Variants in TRHR observed in about 807,000 individuals in gnomAD.
TRHR encodes the protein thyrotropin releasing hormone receptor.
In TRHR, 14 loss-of-function variants were observed where a neutral mutation model predicts 28.0. The ratio of observed to expected loss-of-function variants is 0.50; its 90% CI spans 0.33 to 0.78. The LOEUF (loss-of-function observed/expected upper bound fraction) is 0.78, where lower values mean the gene tolerates loss of function less well. Ranked by LOEUF, TRHR falls within the 30% of genes least tolerant of loss-of-function variation. The pLI, the probability that TRHR is intolerant of heterozygous loss-of-function variation, is 0.02. For synonymous variants in TRHR, 176 were observed against 171.9 expected (o/e 1.02, Z -0.18); for missense variants, 438 against 469.5 (o/e 0.93, Z 0.62).
rs757939985 is a variant in TRHR at position 109,087,537 on chromosome 8, C to T, written c.25C>T (p.Leu9=). Residue 9 remains leucine (L), a synonymous_variant, in exon 2 of 3, where the codon CTG becomes TTG. Transcript: ENST00000518632. MENETVSE[L]NQTQLQPRAV... The stretch of plus-strand genomic sequence containing the variant: ...GATGGAAAACGAGACAGTCAGTGAA[C>T]TGAACCAAACACAGCTTCAGCCACG... 1.1e-5 allele frequency: 17 copies of T among 1,614,216 alleles called. No individual in the cohort carries two copies. In the South Asian group the frequency reaches 1.9e-4, roughly 18 times the overall value.
chr8:109,119,530 C>A lies in TRHR; in HGVS notation c.*75C>A, dbSNP rs891177450. On this transcript the variant is annotated 3_prime_UTR_variant, in exon 3 of 3. Coordinates refer to ENST00000518632, the MANE Select transcript of TRHR (RefSeq NM_003301.7). ...GTCATCAACAAAAGGGAGAACATGG[C>A]CAATAGTCATATGTGAAGACAGAGC... 1 of 1,535,348 alleles carries A rather than the reference C, an allele frequency of 6.5e-7. No individual in the cohort carries two copies. The highest frequency in any genetic ancestry group is 2.3e-5 in the East Asian group (1 of 44,066).
At position 109,110,714 on chromosome 8, in the gene TRHR, T is replaced by C. The variant is rs185436143; in HGVS notation, c.790-8334T>C. ...TCCACGGTCTTCCCACCATGAATCA[T>C]CACTCAGCCTTTATTCACTTTTATT... On this transcript the variant is annotated intron_variant, in intron 2 of 2. Transcript: ENST00000518632. 9.0e-4 allele frequency among the ~76,000 whole-genome samples: 137 copies of C among 152,306 alleles called. 3 individuals are homozygous for C. Among genetic ancestry groups the C allele is most frequent in the Admixed American group, 7.2e-3 (110 of 15,304 alleles).
chr8:109,088,990 T>C (rs1811484755), intron 2 of TRHR, among the ~76,000 whole-genome samples: 1 of 152,184 alleles, frequency 6.6e-6, no homozygotes, highest in Non-Finnish European at 1.5e-5. Context: ...AATCGGTTTT[T>C]TCCTGCTAAG....
rs760386432 is a variant in TRHR at position 109,117,132 on chromosome 8, G to A, written c.790-1916G>A. On this transcript the variant is annotated intron_variant, in intron 2 of 2. Coordinates refer to ENST00000518632, the MANE Select transcript of TRHR (RefSeq NM_003301.7). ...CTGAAATTTAGCAGCAGTAAGTGTT[G>A]TTGGGTTTATAATTGAAGAATTTAA... Among the ~76,000 whole-genome samples the A allele has an allele frequency of 5.8e-4, 88 of 151,980 alleles. 1 individual carries two copies. The highest frequency in any genetic ancestry group is 2.0e-4 in the Admixed American group (3 of 15,232).
chr8:109,119,907 G>T lies in TRHR; in HGVS notation c.*452G>T, dbSNP rs1277146330. Among the ~76,000 whole-genome samples, 2 of 151,542 alleles carry T rather than the reference G, an allele frequency of 1.3e-5. No homozygotes were observed. The highest frequency in any genetic ancestry group is 2.4e-5 in the African/African-American group (1 of 41,252). On this transcript the variant is annotated 3_prime_UTR_variant, in exon 3 of 3. Coordinates refer to ENST00000518632, the MANE Select transcript of TRHR (RefSeq NM_003301.7). ...TAGTATTCATTTTAACATAGTACAG[G>T]GCTAGTTCATGAATATCTGAAATTA... is the stretch of plus-strand genomic sequence containing the variant.
intron 2 of TRHR, among the ~76,000 whole-genome samples, chr8:109,116,510 T>G (rs973339016): frequency 6.6e-6 from 1 of 152,118 alleles, no homozygotes. Flanking sequence ...AGGATTCAAC[T>G]TCTTCCTGGT....
At chr8:109,107,704 G>T (rs1040488692) in intron 2 of TRHR, among the ~76,000 whole-genome samples, 1 of 152,112 alleles carries the variant, frequency 6.6e-6, no homozygotes, top group Non-Finnish European at 1.5e-5. Flanking sequence ...GATAAAGCTG[G>T]CACCTCTTAT....
intron 2 of TRHR, 126 bp from the exon 3 acceptor site, chr8:109,118,922 T>C (rs1811959418): frequency 1.7e-6 from 2 of 1,175,744 alleles, no homozygotes; most frequent in Non-Finnish European, 2.5e-6. Context: ...CCCCAATAAA[T>C]GACCTGCACC....
At chr8:109,100,631 T>G (rs1055628273) in intron 2 of TRHR, among the ~76,000 whole-genome samples, 4 of 152,100 alleles carry the variant, frequency 2.6e-5, no homozygotes, top group South Asian at 2.1e-4. Flanking sequence ...CAAAAATGAT[T>G]AAAACAAAGC....
intron 2 of TRHR, among the ~76,000 whole-genome samples, chr8:109,111,532 A>G (rs970044680): frequency 1.3e-5 from 2 of 152,310 alleles, no homozygotes; most frequent in African/African-American, 4.8e-5. Context: ...TAACAAGAAA[A>G]TATTTCCAGA....
rs753034851 is a variant in TRHR, at chr8:109,119,397, C to A, written c.1139C>A (p.Thr380Lys). Residue 380 changes from threonine to lysine, a missense_variant, in exon 3 of 3, where the codon ACA (threonine) becomes AAA (lysine). Coordinates refer to ENST00000518632, the MANE Select transcript of TRHR (RefSeq NM_003301.7). ...GTCACTGACACTTACCTGTCTGCCA[C>A]AAAAGTGTCTTTTGATGACACCTGC... is the stretch of plus-strand genomic sequence containing the variant. Reference protein sequence around the residue: ...ITVTDTYLSATKVSFDDTCLA... With the variant: ...ITVTDTYLSAKKVSFDDTCLA... 2 of 1,612,360 alleles carry A rather than the reference C, an allele frequency of 1.2e-6. No individual in the cohort carries two copies. Among genetic ancestry groups the A allele is most frequent in the Non-Finnish European group, 1.7e-6 (2 of 1,178,992 alleles).
At chr8:109,109,611 A>G (rs1405609117) in intron 2 of TRHR, among the ~76,000 whole-genome samples, 1 of 152,182 alleles carries the variant, frequency 6.6e-6, no homozygotes, top group African/African-American at 2.4e-5. Flanking sequence ...CTAGATTAAA[A>G]TGTGTTCAGA....
chr8:109,097,105 G>A (rs1297974266), intron 2 of TRHR, among the ~76,000 whole-genome samples: 1 of 152,170 alleles, frequency 6.6e-6, no homozygotes, highest in East Asian at 1.9e-4. Flanking sequence ...GGCAAACTCA[G>A]ATAATTGACT....
intron 2 of TRHR, among the ~76,000 whole-genome samples, chr8:109,112,487 T>C (rs1008460191): frequency 6.6e-6 from 1 of 152,154 alleles, no homozygotes; most frequent in African/African-American, 2.4e-5. Flanking sequence ...TTTTTAAAAT[T>C]TGATTATTTT....
At chr8:109,111,406 C>T (rs975276052) in intron 2 of TRHR, among the ~76,000 whole-genome samples, 4 of 152,118 alleles carry the variant, frequency 2.6e-5, no homozygotes, top group Non-Finnish European at 4.4e-5. Context: ...AGTTACAGGA[C>T]ACTTTGTTAA....
Position 109,087,774 on chromosome 8 carries a change from T to C in TRHR, c.262T>C (p.Tyr88His). Residue 88 changes from tyrosine (Y) to histidine (H), a missense_variant, in exon 2 of 3, where the codon TAC (tyrosine) becomes CAC (histidine). Transcript: ENST00000518632. The stretch of plus-strand genomic sequence containing the variant: ...CCTCCCCAACATAACAGACAGTATC[T>C]ACGGTTCCTGGGTCTATGGCTATGT... Reference protein sequence around the residue: ...AGLPNITDSIYGSWVYGYVGC... With the variant: ...AGLPNITDSIHGSWVYGYVGC... 1 of 1,614,194 alleles carries C rather than the reference T, an allele frequency of 6.2e-7. No homozygotes were observed. Among genetic ancestry groups the C allele is most frequent in the South Asian group, 1.1e-5 (1 of 91,088 alleles).
intron 2 of TRHR, among the ~76,000 whole-genome samples, chr8:109,102,405 T>A (rs1473610357): frequency 6.6e-6 from 1 of 152,158 alleles, no homozygotes. Flanking sequence ...TCCTTCTTTT[T>A]CTTGTCAGAA....
At chr8:109,100,797 A>G (rs1811668725) in intron 2 of TRHR, among the ~76,000 whole-genome samples, 1 of 152,146 alleles carries the variant, frequency 6.6e-6, no homozygotes, top group Non-Finnish European at 1.5e-5. Context: ...GGCTTTCTGG[A>G]AAGGAGCACT....
At chr8:109,096,277 T>G (rs1563622388) in intron 2 of TRHR, among the ~76,000 whole-genome samples, 1 of 152,336 alleles carries the variant, frequency 6.6e-6, no homozygotes, top group East Asian at 1.9e-4. Context: ...TTTCAAGTCA[T>G]AAATCAAATG....
Sources: allele counts gnomAD v4.1 joint callset (sites outside exome capture counted in the v4.1 genomes callset), GRCh38; gene constraint gnomAD v4.1.1; transcripts MANE v1.5; gene names NCBI Gene and HGNC (gene_info 2026-07-23, HGNC 2026-07-21).